Variants in S100A2 observed in about 807,000 individuals in gnomAD.
S100A2 encodes protein S100-A2.
In S100A2, 5 loss-of-function variants were observed where a neutral mutation model predicts 4.3. The observed-to-expected ratio is 1.16, with a 90% CI of 0.61 to 2.44. The LOEUF (loss-of-function observed/expected upper bound fraction) is 2.44. S100A2 is among the 30% of genes most tolerant of loss of function. S100A2 has a pLI of 0.01. For synonymous variants in S100A2, 44 were observed against 46.0 expected, an observed-to-expected ratio of 0.96 and a Z score of 0.17; for missense variants, 103 against 114.7, an observed-to-expected ratio of 0.90 and a Z score of 0.47.
At chr1:153,561,717 G>T in intron 2 of S100A2, 126 bp from the exon 3 acceptor site, 1 of 1,392,028 alleles carries the variant, frequency 7.2e-7, no homozygotes, top group Non-Finnish European at 1.0e-6. Context: ...CTGGGTATAA[G>T]GTGGGCAGGA....
At chr1:153,563,566 C>A (rs1047831956) in intron 2 of S100A2, 168 bp downstream of exon 2, 2 of 1,551,708 alleles carry the variant, frequency 1.3e-6, no homozygotes. Flanking sequence ...ATTAAGCACT[C>A]CCACTCGGGC....
At chr1:153,562,676 A>G (rs1030904770) in intron 2 of S100A2, among the ~76,000 whole-genome samples, 1 of 152,052 alleles carries the variant, frequency 6.6e-6, no homozygotes, top group African/African-American at 2.4e-5. Flanking sequence ...ATCCCTACAT[A>G]CTTTCTTAGT....
At chr1:153,564,024 TC>T in intron 1 of S100A2, 137 bp from the exon 2 acceptor site, 1 of 845,484 alleles carries the variant, frequency 1.2e-6, no homozygotes, top group Non-Finnish European at 1.8e-6. Context: ...GGGCTGCATC[TC>T]CCCCTCAGAC....
chr1:153,561,630 C>T (rs1394241607), intron 2 of S100A2, 39 bp from the exon 3 acceptor site: 2 of 1,613,448 alleles, frequency 1.2e-6, no homozygotes, highest in Non-Finnish European at 1.7e-6. Flanking sequence ...CCAAGCCAGC[C>T]CCAACCCCAG....
intron 2 of S100A2, 191 bp downstream of exon 2, chr1:153,563,543 G>A (rs1167098911): frequency 6.4e-7 from 1 of 1,551,220 alleles, no homozygotes; most frequent in Non-Finnish European, 8.7e-7. Context: ...AATGCTGCAG[G>A]AAACAGCCAT....
rs189082738 is a variant in S100A2, at chr1:153,561,674, G to A, written c.145-83C>T. 6.2e-3 allele frequency: 9,886 copies of A among 1,603,390 alleles called. 49 individuals are homozygous for A. Among genetic ancestry groups the A allele is most frequent in the Middle Eastern group, 9.9e-3 (49 of 4,948 alleles). ...AACACCCAGACCCTCACACATTCAG[G>A]TTGGTTCCCAGCTCTCCCTCCCCAC... On this transcript the variant is annotated intron_variant, in intron 2 of 2. Transcript: ENST00000368708.
chr1:153,564,715 G>A (rs1478219266), intron 1 of S100A2, among the ~76,000 whole-genome samples: 2 of 151,994 alleles, frequency 1.3e-5, no homozygotes, highest in Admixed American at 1.3e-4. Context: ...CCAGAGGCAG[G>A]GCATGCCCTG....
chr1:153,563,599 C>T (rs1417672451), intron 2 of S100A2, 135 bp downstream of exon 2: 1 of 1,557,546 alleles, frequency 6.4e-7, no homozygotes, highest in East Asian at 2.4e-5. Context: ...CCAGTGGAGC[C>T]ATGAAGCTAA....
rs1188268636 is a variant in S100A2, at chr1:153,561,511, C to T, written c.225G>A (p.Glu75=). The change falls in exon 3 of 3, where the codon GAG becomes GAA. Residue 75 remains glutamate, a synonymous_variant. Coordinates refer to ENST00000368708, the MANE Select transcript of S100A2 (RefSeq NM_005978.4). The stretch of plus-strand genomic sequence containing the variant: ...TGATGAGTGCCAGGAAAACAGCATA[C>T]TCCTGGAAGTCCACCTGCTGGTCAC... ...ENSDQQVDFQ[E]YAVFLALITV... 6 of 1,614,086 alleles carry T rather than the reference C, an allele frequency of 3.7e-6. No homozygotes were observed. Among genetic ancestry groups the T allele is most frequent in the Non-Finnish European group, 5.1e-6 (6 of 1,180,046 alleles).
At chr1:153,562,535 T>C (rs1665915107) in intron 2 of S100A2, among the ~76,000 whole-genome samples, 1 of 152,220 alleles carries the variant, frequency 6.6e-6, no homozygotes, top group Non-Finnish European at 1.5e-5. Context: ...ACCTGCCTCA[T>C]GTGTTCAAAG....
At chr1:153,563,524 G>A in intron 2 of S100A2, 3 of 1,550,920 alleles carry the variant, frequency 1.9e-6, no homozygotes, top group Middle Eastern at 3.3e-4. Context: ...ACAGCACATG[G>A]TTCTCTGGAA....
At chr1:153,563,488 TA>T in intron 2 of S100A2, 2 of 1,550,614 alleles carry the variant, frequency 1.3e-6, no homozygotes, top group Non-Finnish European at 1.7e-6. Flanking sequence ...ATGACAGGAT[TA>T]AACAGATGGA....
rs141307539 is a variant in S100A2, at chr1:153,561,574, C to T, written c.162G>A (p.Glu54=). 2.9e-4 allele frequency: 471 copies of T among 1,614,046 alleles called. No homozygotes were observed. The highest frequency in any genetic ancestry group is 3.6e-4 in the Non-Finnish European group (425 of 1,180,042). Residue 54 remains glutamate (E), a synonymous_variant, in exon 3 of 3, where the codon GAG becomes GAA. Coordinates refer to ENST00000368708, the MANE Select transcript of S100A2 (RefSeq NM_005978.4). ...PSFVGEKVDE[E]GLKKLMGSLD... is the part of the protein sequence containing the mutation. ...GGCTGCCCATCAGCTTCTTCAGCCCCTCCTCATCCACTTTCTCCTGAAAGT... is the reference window on the plus strand; with the variant it reads ...GGCTGCCCATCAGCTTCTTCAGCCCTTCCTCATCCACTTTCTCCTGAAAGT...
chr1:153,563,974 C>G, intron 1 of S100A2, 87 bp from the exon 2 acceptor site: 1 of 1,352,732 alleles, frequency 7.4e-7, no homozygotes, highest in Non-Finnish European at 1.0e-6. Flanking sequence ...CCTATGCCCC[C>G]AAGCCACCTC....
At chr1:153,561,810 C>G (rs948348352) in intron 2 of S100A2, among the ~76,000 whole-genome samples, 2 of 152,204 alleles carry the variant, frequency 1.3e-5, no homozygotes, top group African/African-American at 4.8e-5. Context: ...GTGCCCTCCT[C>G]CTGGACACAG....
intron 1 of S100A2, among the ~76,000 whole-genome samples, chr1:153,564,624 C>G (rs981929007): frequency 6.6e-6 from 1 of 152,044 alleles, no homozygotes; most frequent in Non-Finnish European, 1.5e-5. Flanking sequence ...TGGGACAGAC[C>G]TCAGCGGCAA....
chr1:153,562,719 A>G (rs980814249), intron 2 of S100A2, among the ~76,000 whole-genome samples: 1 of 152,156 alleles, frequency 6.6e-6, no homozygotes, highest in Non-Finnish European at 1.5e-5. Flanking sequence ...GGTCAAGCAC[A>G]GTGCCTCACA....
intron 2 of S100A2, chr1:153,563,302 G>A: frequency 9.4e-7 from 1 of 1,060,534 alleles, no homozygotes; most frequent in Non-Finnish European, 1.3e-6. Context: ...ACCCCTGGAG[G>A]CAGAGGTTGC....
Sources: allele counts gnomAD v4.1 joint callset (sites outside exome capture counted in the v4.1 genomes callset), GRCh38; gene constraint gnomAD v4.1.1; transcripts MANE v1.5; gene names NCBI Gene and HGNC (gene_info 2026-07-23, HGNC 2026-07-21).